TSPAN4: variants seen among roughly 807,000 people sequenced by gnomAD.
TSPAN4 encodes tetraspanin-4.
Under a neutral mutation model 31.5 loss-of-function variants are expected in TSPAN4, and 38 were observed. The observed-to-expected ratio is 1.21, with a 90% CI of 0.93 to 1.58. TSPAN4 has a LOEUF of 1.58. Ranked by LOEUF, TSPAN4 falls within the 40% of genes most tolerant of loss-of-function variation. The pLI is 0.00. For missense variants in TSPAN4, 330 were observed against 317.3 expected, an observed-to-expected ratio of 1.04 and a Z score of -0.30; for synonymous variants, 186 against 144.6, an observed-to-expected ratio of 1.29 and a Z score of -2.06.
At chr11:862,843 C>A in intron 4 of TSPAN4, 102 bp downstream of exon 4, 2 of 1,268,352 alleles carry the variant, frequency 1.6e-6, no homozygotes, top group Non-Finnish European at 2.1e-6. Context: ...CAGACGTGGG[C>A]ACCACCTCTG....
intron 2 of TSPAN4, among the ~76,000 whole-genome samples, chr11:849,124 T>C (rs1024694435): frequency 6.1e-4 from 93 of 152,206 alleles, no homozygotes; most frequent in African/African-American, 1.7e-3. Context: ...CGCTCCCGCA[T>C]TGGGGACAGC....
At chr11:849,121 G>A (rs1489697258) in intron 2 of TSPAN4, among the ~76,000 whole-genome samples, 4 of 152,076 alleles carry the variant, frequency 2.6e-5, no homozygotes, top group African/African-American at 9.7e-5. Context: ...CCCCGCTCCC[G>A]CATTGGGGAC....
At chr11:844,690 G>T (rs1194712362) in intron 1 of TSPAN4, 1 of 129,998 alleles carries the variant, frequency 7.7e-6, no homozygotes, top group Non-Finnish European at 1.6e-5. Flanking sequence ...TGTTGGCGCA[G>T]ACTCGGCCTG....
chr11:863,993 T>C, intron 4 of TSPAN4: 1 of 203,402 alleles, frequency 4.9e-6, no homozygotes, highest in Non-Finnish European at 1.0e-5. Flanking sequence ...AAGGGGCCTC[T>C]GCAGCCCAGC....
Position 866,576 on chromosome 11 carries a change from C to T in TSPAN4, c.663C>T (p.Thr221=), listed in dbSNP as rs780225758. 1.9e-6 allele frequency: 3 copies of T among 1,613,378 alleles called. No homozygotes were observed. Among genetic ancestry groups the T allele is most frequent in the Non-Finnish European group, 2.5e-6 (3 of 1,179,838 alleles). The change falls in exon 9 of 9, where the codon ACC becomes ACT. Residue 221 remains threonine, a synonymous_variant. Transcript: ENST00000397397. Reference sequence around the variant, plus strand: ...CCTACCTACAGATCCTGGGCCTGACCTTCGCCATGACCATGTACTGCCAAG... The same window carrying T: ...CCTACCTACAGATCCTGGGCCTGACTTTCGCCATGACCATGTACTGCCAAG... The part of the protein sequence containing the change: ...CTALVQILGL[T]FAMTMYCQVV...
chr11:859,113 C>T (rs1425789309), intron 3 of TSPAN4, among the ~76,000 whole-genome samples: 26 of 132,690 alleles, frequency 2.0e-4, no homozygotes, highest in Admixed American at 1.1e-3. Flanking sequence ...CGGGCTCACA[C>T]GTGCCCTGGC....
At chr11:865,106 G>A (rs1308391839) in intron 5 of TSPAN4, 1 of 194,622 alleles carries the variant, frequency 5.1e-6, no homozygotes, top group South Asian at 1.1e-4. Context: ...CCCTGCCCTG[G>A]CCCAGGAATC....
chr11:852,057 T>C (rs1847779488), intron 3 of TSPAN4, among the ~76,000 whole-genome samples: 1 of 152,272 alleles, frequency 6.6e-6, no homozygotes, highest in South Asian at 2.1e-4. Flanking sequence ...TCCCCCATCC[T>C]CAACCTGGGA....
chr11:846,238 G>A lies in TSPAN4; in HGVS notation c.-117-963G>A, dbSNP rs145057971. ...CTGGGGCTCAGAGAGGCTGCTCCAC[G>A]GGCATGGCACCCAGGCTGCTGCAGA... On this transcript the variant is annotated intron_variant, in intron 1 of 8. Coordinates refer to ENST00000397397, the MANE Select transcript of TSPAN4 (RefSeq NM_003271.5). Among the ~76,000 whole-genome samples the A allele has an allele frequency of 2.2e-3, 338 of 152,330 alleles. 1 individual carries two copies. Among genetic ancestry groups the A allele is most frequent in the African/African-American group, 7.6e-3 (316 of 41,566 alleles).
intron 1 of TSPAN4, 103 bp from the exon 2 acceptor site, chr11:847,098 C>T (rs1412363695): frequency 6.6e-6 from 1 of 152,234 alleles, no homozygotes; most frequent in Non-Finnish European, 1.5e-5. Context: ...CTGTAGGGAC[C>T]TGGCCCCAGG....
At position 848,733 on chromosome 11, in the gene TSPAN4, G is replaced by T; in HGVS notation, c.-18+1433G>T. ...CCCACCTCTGGGCTTCAGGTCATCT[G>T]CCAGGAATCTGGGCCACGTGCTGAT... is the stretch of plus-strand genomic sequence containing the variant. On this transcript the variant is annotated intron_variant, in intron 2 of 8. Transcript: ENST00000397397. The surrounding 1 kb of genome is among the most constrained non-coding windows in gnomAD (Gnocchi z 5.7). The T allele has an allele frequency of 1.9e-6, 1 of 521,534 alleles. No homozygotes were observed. Among genetic ancestry groups the T allele is most frequent in the Non-Finnish European group, 3.4e-6 (1 of 291,464 alleles). The allele number at this position is 521,534 out of a possible 1,614,324, so 32.3% of individuals were successfully genotyped here. A position where few individuals can be genotyped will look rare whatever the true frequency, so the allele number is the denominator to read the frequency against.
intron 2 of TSPAN4, among the ~76,000 whole-genome samples, chr11:849,598 C>A (rs1403750990): frequency 6.6e-6 from 1 of 151,976 alleles, no homozygotes; most frequent in African/African-American, 2.4e-5. Flanking sequence ...CCTCAGGCGC[C>A]CTTCGCGAGC....
chr11:865,564 A>G lies in TSPAN4; in HGVS notation c.382A>G (p.Thr128Ala). Reference sequence around the variant, plus strand: ...GAAGAAAGGCTTGCACCTGTACGGCACGCAGGGCAACGTGGGCCTCACCAA... The same window carrying G: ...GAAGAAAGGCTTGCACCTGTACGGCGCGCAGGGCAACGTGGGCCTCACCAA... ...DLKKGLHLYG[T>A]QGNVGLTNAW... Residue 128 changes from threonine (T) to alanine (A), a missense_variant, in exon 6 of 9, where the codon ACG (threonine) becomes GCG (alanine). Transcript: ENST00000397397. 1.9e-6 allele frequency: 3 copies of G among 1,612,676 alleles called. No homozygotes were observed. Among genetic ancestry groups the G allele is most frequent in the Non-Finnish European group, 2.5e-6 (3 of 1,179,874 alleles).
chr11:845,708 A>C (rs1232119923), intron 1 of TSPAN4, among the ~76,000 whole-genome samples: 1 of 151,892 alleles, frequency 6.6e-6, no homozygotes, highest in East Asian at 1.9e-4. Context: ...CTCCCAGCAG[A>C]TAAATACCCA....
rs767708744 is a variant in TSPAN4 at position 866,624 on chromosome 11, C to T, written c.711C>T (p.Cys237=). Residue 237 remains cysteine, a synonymous_variant, in exon 9 of 9, where the codon TGC becomes TGT. Transcript: ENST00000397397. ...AAGTGGTCAAGGCAGACACCTACTG[C>T]GCGTAGGCCGCCCACCGCCCGCTTC... ...YCQVVKADTY[C]A 59 of 1,612,128 alleles carry T rather than the reference C, an allele frequency of 3.7e-5. No individual in the cohort carries two copies. The South Asian group carries it at 4.3e-4, about 12-fold the overall frequency.
Position 866,008 on chromosome 11 carries a change from C to T in TSPAN4, c.648+7C>T, listed in dbSNP as rs1848774390. 6.2e-7 allele frequency: 1 copy of T among 1,611,304 alleles called. No individual in the cohort carries two copies. The highest frequency in any genetic ancestry group is 1.7e-5 in the Admixed American group (1 of 59,946). On this transcript the variant is annotated splice_region_variant and intron_variant, in intron 8 of 8. Transcript: ENST00000397397. ...GTGCACGGCGCTGGTGCAGGTATGG[C>T]CTGGGGGCCTGCGGGCTCCCTGCCC...
intron 3 of TSPAN4, among the ~76,000 whole-genome samples, chr11:861,497 G>A (rs2134052178): frequency 6.6e-6 from 1 of 152,288 alleles, no homozygotes; most frequent in African/African-American, 2.4e-5. Context: ...TGGATCACGA[G>A]GTTGGGAGAT....
chr11:856,115 G>A (rs866113301), intron 3 of TSPAN4, among the ~76,000 whole-genome samples: 6 of 152,204 alleles, frequency 3.9e-5, no homozygotes, highest in African/African-American at 1.4e-4. Context: ...GGAAAAGAAG[G>A]GCAGAGCAGA....
At chr11:866,217 AGGCCGGTGGTCGTCCATGTT>A in intron 8 of TSPAN4, among the ~76,000 whole-genome samples, 1 of 152,036 alleles carries the variant, frequency 6.6e-6, no homozygotes, top group Non-Finnish European at 1.5e-5. Context: ...TGTGGGGTGG[AGGCCGGTGGTCGTCCATGTT>A]GGTCGGTGGC....
Sources: allele counts gnomAD v4.1 joint callset (sites outside exome capture counted in the v4.1 genomes callset), GRCh38; gene constraint gnomAD v4.1.1; non-coding constraint Gnocchi (gnomAD v3.1); transcripts MANE v1.5; gene names NCBI Gene and HGNC (gene_info 2026-07-23, HGNC 2026-07-21).